Variants in NTRK1 observed in about 807,000 individuals in gnomAD.
NTRK1 encodes neurotrophic receptor tyrosine kinase 1, also known as high affinity nerve growth factor receptor.
In NTRK1, 62 loss-of-function variants were observed where a neutral mutation model predicts 86.8. The ratio of observed to expected loss-of-function variants is 0.71; its 90% CI spans 0.58 to 0.88. The LOEUF is 0.88. NTRK1 is among the 40% of genes least tolerant of loss of function. NTRK1 has a pLI of 0.00. For synonymous variants in NTRK1, 469 were observed against 456.6 expected (o/e 1.03, Z -0.35); for missense variants, 967 against 1,078.4 (o/e 0.90, Z 1.45).
At chr1:156,860,856 C>A, upstream of NTRK1, 1 of 1,377,094 alleles carries the variant, frequency 7.3e-7, no homozygotes, top group Non-Finnish European at 9.3e-7. Flanking sequence ...GCCCAGCGCA[C>A]ATGTCGGGGG....
Position 156,871,632 on chromosome 1 carries a change from G to T in NTRK1, c.727G>T (p.Gly243Cys). The T allele has an allele frequency of 6.2e-7, 1 of 1,614,092 alleles. No individual in the cohort carries two copies. Among genetic ancestry groups the T allele is most frequent in the South Asian group, 1.1e-5 (1 of 91,070 alleles). The part of the protein sequence containing the change: ...EQSATVMKSG[G>C]LPSLGLTLAN... ...CTCTTTCCTGATCTAGAAATCTGGG[G>T]GTCTGCCATCCCTGGGGCTGACCCT... is the stretch of plus-strand genomic sequence containing the variant. The change falls in exon 7 of 17, where the codon GGT (glycine) becomes TGT (cysteine). Residue 243 changes from glycine (G) to cysteine (C), a missense_variant. Gly to Cys is a radical substitution (Grantham distance 159, BLOSUM62 -3). Coordinates refer to ENST00000524377, the MANE Select transcript of NTRK1 (RefSeq NM_002529.4).
intron 1 of NTRK1, chr1:156,841,151 C>T: frequency 7.1e-7 from 1 of 1,418,090 alleles, no homozygotes; most frequent in South Asian, 1.2e-5. Context: ...GAGCCCCTGC[C>T]ACGCTCTCAG....
intron 1 of NTRK1, among the ~76,000 whole-genome samples, chr1:156,836,953 AATCCAGAT>A (rs1654613383): frequency 6.6e-6 from 1 of 152,166 alleles, no homozygotes; most frequent in South Asian, 2.1e-4. Context: ...GAGTTAGGGA[AATCCAGAT>A]ATCCACGCCC....
In NTRK1 at chr1:156,880,169, C is replaced by G. The variant is rs1558108830; in HGVS notation, c.2205+12C>G. On this transcript the variant is annotated intron_variant, in intron 16 of 16. Coordinates refer to ENST00000524377, the MANE Select transcript of NTRK1 (RefSeq NM_002529.4). ...TCTCCAACACGGAGGTCAGCCCCGG[C>G]CCATGGTCACCCCTTGCTGGCCTCC... is the stretch of plus-strand genomic sequence containing the variant. The G allele has an allele frequency of 1.2e-6, 2 of 1,612,480 alleles. No homozygotes were observed. Among genetic ancestry groups the G allele is most frequent in the Non-Finnish European group, 1.7e-6 (2 of 1,179,932 alleles).
intron 1 of NTRK1, among the ~76,000 whole-genome samples, chr1:156,835,892 C>A: frequency 6.6e-6 from 1 of 152,214 alleles, no homozygotes; most frequent in Admixed American, 6.5e-5. Context: ...GCCTCCCATG[C>A]CCCAGAAGTT....
chr1:156,866,888 T>G (rs1276197036), intron 3 of NTRK1, 22 bp from the exon 4 acceptor site: 3 of 1,613,872 alleles, frequency 1.9e-6, no homozygotes, highest in Non-Finnish European at 2.5e-6. Context: ...GGGTCTGTCT[T>G]GCTGTGTCTC....
At chr1:156,845,610 T>C (rs1394362187) in intron 2 of NTRK1, 13 of 1,519,776 alleles carry the variant, frequency 8.6e-6, no homozygotes, top group Non-Finnish European at 9.7e-6. Context: ...CCGCGCGCGC[T>C]CTTCGCACAT....
Position 156,816,136 on chromosome 1 carries a change from A to G in NTRK1, c.-64+298A>G, listed in dbSNP as rs747400753. Reference sequence around the variant, plus strand: ...GGCTGCCGGGGTTTCTCAGAGAGGAACTATGTCTGTCTCTGCCTCCCACCC... The same window carrying G: ...GGCTGCCGGGGTTTCTCAGAGAGGAGCTATGTCTGTCTCTGCCTCCCACCC... On this transcript the variant is annotated intron_variant, in intron 1 of 16. Coordinates refer to the NTRK1 transcript ENST00000392302. The G allele has an allele frequency of 9.5e-6, 15 of 1,581,566 alleles. 1 individual carries two copies. The South Asian group carries it at 1.1e-4, about 11-fold the overall frequency.
At chr1:156,848,902 C>G in intron 2 of NTRK1, 2 of 1,552,600 alleles carry the variant, frequency 1.3e-6, no homozygotes, top group South Asian at 2.4e-5. Context: ...CCCGCTCCGG[C>G]CCCGCCCCCG....
intron 1 of NTRK1, among the ~76,000 whole-genome samples, chr1:156,834,728 G>A (rs11486143): frequency 0.18 from 26,695 of 148,698 alleles, 4,503 homozygotes; most frequent in African/African-American, 0.45. Context: ...GTTTCAAGAA[G>A]AAAAAAAAAG....
At chr1:156,865,170 C>T in intron 3 of NTRK1, 1 of 311,088 alleles carries the variant, frequency 3.2e-6, no homozygotes, top group Non-Finnish European at 6.3e-6. Flanking sequence ...TGACTTGGCC[C>T]CTAGGACATC....
rs1194131204 is a variant in NTRK1 at position 156,854,183 on chromosome 1, C to T, written c.51-10171C>T. ...GGTGAGGCGAGGGAAGCTGAGGCCG[C>T]GGAAGTCCTCCCCGGTGGCTGTGAA... On this transcript the variant is annotated intron_variant, in intron 2 of 16. Coordinates refer to the NTRK1 transcript ENST00000392302. This position sits in a 1 kb window ranked among gnomAD's most constrained non-coding sequence, Gnocchi z 4.2. The T allele has an allele frequency of 1.1e-5, 18 of 1,613,984 alleles. No homozygotes were observed. The highest frequency in any genetic ancestry group is 3.3e-5 in the Admixed American group (2 of 60,008).
intron 2 of NTRK1, among the ~76,000 whole-genome samples, chr1:156,847,591 C>G (rs1474614040): frequency 6.6e-6 from 1 of 151,830 alleles, no homozygotes; most frequent in Non-Finnish European, 1.5e-5. Context: ...AATTGGGTGG[C>G]AGTGGGGGAA....
rs148111938 is a variant in NTRK1 at position 156,853,854 on chromosome 1, C to T, written c.51-10500C>T. ...GCAGCACCCAGCACACCAGGGCACA[C>T]GTCAGCACACTCCTCGCCCAGCTTG... On this transcript the variant is annotated intron_variant, in intron 2 of 16. Coordinates refer to the NTRK1 transcript ENST00000392302. 5.0e-5 allele frequency: 81 copies of T among 1,613,918 alleles called. No individual in the cohort carries two copies. The highest frequency in any genetic ancestry group is 9.3e-5 in the African/African-American group (7 of 74,936).
chr1:156,843,816 G>A (rs1654888858), intron 2 of NTRK1, among the ~76,000 whole-genome samples: 1 of 152,342 alleles, frequency 6.6e-6, no homozygotes, highest in East Asian at 1.9e-4. Context: ...ACATCCCCAG[G>A]CCTCCTGCTT....
chr1:156,868,682 C>G (rs2102894873), intron 6 of NTRK1, 35 bp downstream of exon 6: 1 of 1,548,464 alleles, frequency 6.5e-7, no homozygotes, highest in Non-Finnish European at 8.7e-7. Flanking sequence ...CCCAAGAGGT[C>G]CAGGCAGAGC....
intron 9 of NTRK1, 74 bp from the exon 10 acceptor site, chr1:156,874,497 G>T (rs534458196): frequency 6.2e-7 from 1 of 1,611,918 alleles, no homozygotes; most frequent in Non-Finnish European, 8.5e-7. Flanking sequence ...AGACCAGCTG[G>T]GGCCAGGGTT....
intron 3 of NTRK1, 33 bp from the exon 4 acceptor site, chr1:156,866,877 G>A: frequency 2.5e-6 from 4 of 1,611,624 alleles, no homozygotes; most frequent in Non-Finnish European, 2.5e-6. Flanking sequence ...GGTCACTCAA[G>A]GGGTCTGTCT....
chr1:156,842,570 C>T, intron 2 of NTRK1: 1 of 1,274,714 alleles, frequency 7.8e-7, no homozygotes, highest in Non-Finnish European at 1.1e-6. Flanking sequence ...GGCCAAAATT[C>T]TGATCTGCTA....
Sources: allele counts gnomAD v4.1 joint callset (sites outside exome capture counted in the v4.1 genomes callset), GRCh38; gene constraint gnomAD v4.1.1; non-coding constraint Gnocchi (gnomAD v3.1); transcripts MANE v1.5; gene names NCBI Gene and HGNC (gene_info 2026-07-23, HGNC 2026-07-21).